Variants in RANBP2 observed in about 807,000 individuals in gnomAD.
RANBP2 encodes RAN binding protein 2.
A neutral mutation model predicts 303.6 loss-of-function variants in RANBP2; 57 were observed. The observed-to-expected ratio is 0.19, with a 90% CI of 0.15 to 0.23. The LOEUF (loss-of-function observed/expected upper bound fraction) is 0.23. RANBP2 is among the 10% of genes least tolerant of loss of function. The pLI, the probability that RANBP2 is intolerant of heterozygous loss-of-function variation, is 1.00. For synonymous variants in RANBP2, 1,167 were observed against 1,301.5 expected (o/e 0.90, Z 2.23); for missense variants, 3,138 against 3,780.8 (o/e 0.83, Z 4.46).
chr2:109,601,123 C>T, the RANBP2 span, among the ~76,000 whole-genome samples: 1 of 152,176 alleles, frequency 6.6e-6, no homozygotes, highest in Non-Finnish European at 1.5e-5. Flanking sequence ...GGTTGATTAA[C>T]CACTGGTCAC....
chr2:109,545,140 G>T, the RANBP2 span: 3 of 985,394 alleles, frequency 3.0e-6, no homozygotes, highest in Non-Finnish European at 3.6e-6. Flanking sequence ...TGCTCTGTGG[G>T]GAACATGGGA....
chr2:109,687,023 T>C, the RANBP2 span, among the ~76,000 whole-genome samples: 1 of 152,248 alleles, frequency 6.6e-6, no homozygotes, highest in Admixed American at 6.5e-5. Context: ...AATATGCCTA[T>C]GTAAATAAAA....
the RANBP2 span, among the ~76,000 whole-genome samples, chr2:109,230,545 A>G: frequency 6.6e-6 from 1 of 152,148 alleles, no homozygotes; most frequent in Non-Finnish European, 1.5e-5. Flanking sequence ...GTACCACTGC[A>G]CTCCAGCCTG....
chr2:109,380,789 C>T, the RANBP2 span, among the ~76,000 whole-genome samples: 964 of 152,322 alleles, frequency 6.3e-3, 10 homozygotes, highest in East Asian at 0.047. Context: ...CAGGTGCCCC[C>T]CACCACCTGC....
chr2:109,574,735 T>A, the RANBP2 span: 1 of 1,598,744 alleles, frequency 6.3e-7, no homozygotes, highest in Non-Finnish European at 8.5e-7. Flanking sequence ...GGCCTCAAAC[T>A]GAGCATCTAT....
the RANBP2 span, among the ~76,000 whole-genome samples, chr2:109,531,696 T>C: frequency 6.6e-6 from 1 of 152,150 alleles, no homozygotes; most frequent in Non-Finnish European, 1.5e-5. Context: ...TGGAGGGAAG[T>C]CTCCAGTGGC....
At chr2:108,925,355 G>A in the RANBP2 span, among the ~76,000 whole-genome samples, 2 of 152,210 alleles carry the variant, frequency 1.3e-5, no homozygotes, top group African/African-American at 2.4e-5. Flanking sequence ...CCCAGGTGCC[G>A]GGCTTGGTCT....
chr2:108,858,015 A>G, the RANBP2 span, among the ~76,000 whole-genome samples: 1 of 152,242 alleles, frequency 6.6e-6, no homozygotes, highest in African/African-American at 2.4e-5. Context: ...GAGATAGTCA[A>G]CAGTCAGTCA....
the RANBP2 span, among the ~76,000 whole-genome samples, chr2:109,363,607 C>A: frequency 1.3e-5 from 2 of 152,156 alleles, no homozygotes; most frequent in African/African-American, 4.8e-5. Flanking sequence ...TATTTTTCTT[C>A]TCTCCAAAGA....
At chr2:109,299,413 AG>A in the RANBP2 span, among the ~76,000 whole-genome samples, 13 of 149,756 alleles carry the variant, frequency 8.7e-5, no homozygotes, top group Non-Finnish European at 1.8e-4. Context: ...CACATCCTTG[AG>A]TGGCCATCCT....
chr2:109,412,763 T>G, the RANBP2 span, among the ~76,000 whole-genome samples: 1 of 152,052 alleles, frequency 6.6e-6, no homozygotes, highest in African/African-American at 2.4e-5. Context: ...AAGTGTAGAT[T>G]AAAAAATAAT....
chr2:109,706,745 G>A, the RANBP2 span, among the ~76,000 whole-genome samples: 10 of 152,296 alleles, frequency 6.6e-5, no homozygotes, highest in Non-Finnish European at 1.2e-4. Flanking sequence ...TCTGATAAGC[G>A]AATGAATGAA....
intron 26 of RANBP2, 83 bp downstream of exon 26, chr2:108,781,512 A>G (rs1678255824): frequency 7.6e-7 from 1 of 1,315,104 alleles, no homozygotes. Flanking sequence ...TCAGGGTATA[A>G]TTGTTTGCAT....
the RANBP2 span, chr2:109,545,580 TAG>T: frequency 3.9e-6 from 6 of 1,534,404 alleles, no homozygotes; most frequent in East Asian, 1.2e-4. Context: ...TCAGTATCAG[TAG>T]AATTTGTTCT....
At chr2:108,724,022 T>C (rs1051563428) in intron 1 of RANBP2, among the ~76,000 whole-genome samples, 4 of 152,240 alleles carry the variant, frequency 2.6e-5, no homozygotes, top group East Asian at 1.9e-4. Context: ...CCCTTTATCA[T>C]CAGTTTGAGA....
At chr2:108,772,669 T>C in intron 22 of RANBP2, 88 bp downstream of exon 22, 3 of 1,354,466 alleles carry the variant, frequency 2.2e-6, no homozygotes, top group East Asian at 2.3e-5. Flanking sequence ...TCTATAATTA[T>C]CGATTTTACG....
chr2:109,424,014 C>T, the RANBP2 span, among the ~76,000 whole-genome samples: 5 of 152,308 alleles, frequency 3.3e-5, no homozygotes, highest in South Asian at 6.2e-4. Context: ...GCTGCAGGGC[C>T]GGTTGCAGTG....
the RANBP2 span, among the ~76,000 whole-genome samples, chr2:109,742,450 AAACAAAC>A: frequency 6.8e-6 from 1 of 147,796 alleles, no homozygotes; most frequent in Non-Finnish European, 1.5e-5. Context: ...ACAAACAAAC[AAACAAAC>A]AAACAAACTA....
chr2:108,972,771 A>C, the RANBP2 span, among the ~76,000 whole-genome samples: 1 of 152,216 alleles, frequency 6.6e-6, no homozygotes, highest in Non-Finnish European at 1.5e-5. Context: ...GCTGAGACTC[A>C]GAAGGGGGTG....
Sources: allele counts gnomAD v4.1 joint callset (sites outside exome capture counted in the v4.1 genomes callset), GRCh38; gene constraint gnomAD v4.1.1; transcripts MANE v1.5; gene names NCBI Gene and HGNC (gene_info 2026-07-23, HGNC 2026-07-21).